The following ADCY9 variants were observed in gnomAD, a reference collection of about 807,000 sequenced individuals.
The protein encoded by ADCY9 is adenylate cyclase type 9.
ADCY9 carries 50 observed loss-of-function variants against 101.5 expected under a neutral mutation model. The ratio of observed to expected loss-of-function variants is 0.49; its 90% CI spans 0.39 to 0.62. The LOEUF is 0.62. Ranked by LOEUF, ADCY9 falls within the 20% of genes least tolerant of loss-of-function variation. The pLI is 0.00. For missense variants in ADCY9, 1,662 were observed against 1,800.4 expected (o/e 0.92, Z 1.39); for synonymous variants, 905 against 769.3 (o/e 1.18, Z -2.92).
chr16:4,055,821 G>A (rs938567624), intron 2 of ADCY9, among the ~76,000 whole-genome samples: 3 of 151,478 alleles, frequency 2.0e-5, no homozygotes, highest in Admixed American at 6.6e-5. Flanking sequence ...GCGACAGAGC[G>A]AGGATCCGTT....
At chr16:3,991,382 C>T (rs2056242529) in intron 5 of ADCY9, among the ~76,000 whole-genome samples, 1 of 152,144 alleles carries the variant, frequency 6.6e-6, no homozygotes, top group Admixed American at 6.5e-5. Flanking sequence ...CTTCTGCAGT[C>T]TCTGCCTGGC....
chr16:4,058,113 C>T (rs574177853), intron 2 of ADCY9, among the ~76,000 whole-genome samples: 15 of 148,926 alleles, frequency 1.0e-4, no homozygotes, highest in African/African-American at 3.5e-4. Flanking sequence ...GAGCCGAGAT[C>T]ATGCCACTGC....
At chr16:3,994,455 G>T (rs192730100) in intron 3 of ADCY9, among the ~76,000 whole-genome samples, 3 of 152,060 alleles carry the variant, frequency 2.0e-5, no homozygotes, top group Non-Finnish European at 1.5e-5. Flanking sequence ...TAAAAAGATC[G>T]ATTTTTAAAT....
At chr16:3,974,816 T>TAA in intron 9 of ADCY9, 106 bp from the exon 10 acceptor site, 1 of 901,692 alleles carries the variant, frequency 1.1e-6, no homozygotes, top group Non-Finnish European at 1.8e-6. Context: ...TTAGACGTGG[T>TAA]TGTACATCCA....
intron 2 of ADCY9, among the ~76,000 whole-genome samples, chr16:4,077,617 T>A (rs2056875926): frequency 6.6e-6 from 1 of 152,174 alleles, no homozygotes; most frequent in Non-Finnish European, 1.5e-5. Context: ...GTCCAATTTT[T>A]TAAAATGAGA....
chr16:3,996,076 A>G (rs1223948427), intron 3 of ADCY9, among the ~76,000 whole-genome samples: 1 of 152,130 alleles, frequency 6.6e-6, no homozygotes, highest in African/African-American at 2.4e-5. Flanking sequence ...ACTTCTAAAC[A>G]TTTTGCTGGT....
At position 4,116,378 on chromosome 16, in the gene ADCY9, G is replaced by C. The variant is rs1040179534; in HGVS notation, c.-732C>G. Among the ~76,000 whole-genome samples the C allele has an allele frequency of 1.4e-5, 2 of 145,994 alleles. No homozygotes were observed. Among genetic ancestry groups the C allele is most frequent in the Non-Finnish European group, 3.0e-5 (2 of 65,720 alleles). On this transcript the variant is annotated 5_prime_UTR_variant, in exon 1 of 11. Transcript: ENST00000294016. ...GCCCGCCGCCGTGTCCCCCGCGGCC[G>C]CTGCCTCATGTCGGAAGAGCTGCCG...
intron 2 of ADCY9, among the ~76,000 whole-genome samples, chr16:4,091,168 G>A (rs995463351): frequency 1.3e-5 from 2 of 152,186 alleles, no homozygotes; most frequent in African/African-American, 4.8e-5. Context: ...CTGCCTTCCA[G>A]GTTCAAGCGA....
chr16:3,976,656 TTTA>T (rs2056094862), intron 9 of ADCY9, among the ~76,000 whole-genome samples: 1 of 152,122 alleles, frequency 6.6e-6, no homozygotes, highest in Non-Finnish European at 1.5e-5. Context: ...TTTTGACCTA[TTTA>T]TTATTTTTTG....
chr16:3,988,473 T>G (rs1394007329), intron 6 of ADCY9, among the ~76,000 whole-genome samples: 217 of 14,008 alleles, frequency 0.015, no homozygotes, highest in African/African-American at 0.027. Context: ...AGGGCAGGTG[T>G]GGGGGATTCC....
At chr16:3,993,252 G>A (rs182787452) in intron 4 of ADCY9, 154 bp downstream of exon 4, 7 of 1,352,572 alleles carry the variant, frequency 5.2e-6, no homozygotes, top group South Asian at 1.5e-5. Flanking sequence ...GCTCCCTGCC[G>A]GTCTCTTCAA....
chr16:3,959,194 C>T (rs2055924746), downstream of ADCY9, among the ~76,000 whole-genome samples: 1 of 151,948 alleles, frequency 6.6e-6, no homozygotes, highest in African/African-American at 2.4e-5. Flanking sequence ...AACCCCATCT[C>T]CACAAAAAAT....
intron 3 of ADCY9, among the ~76,000 whole-genome samples, chr16:4,002,566 C>T (rs546308627): frequency 3.3e-5 from 5 of 152,212 alleles, no homozygotes; most frequent in South Asian, 4.2e-4. Flanking sequence ...CCAAGCAGCC[C>T]GGGGTTCTGA....
intron 2 of ADCY9, among the ~76,000 whole-genome samples, chr16:4,018,967 G>GTGTGTGTGTGTGTGTGTGTGTTT (rs1178021167): frequency 6.6e-6 from 1 of 151,280 alleles, no homozygotes; most frequent in Non-Finnish European, 1.5e-5. Context: ...GTGTGTGTGT[G>GTGTGTGTGTGTGTGTGTGTGTTT]TGTTTTGTTT....
At chr16:4,072,868 A>G (rs2056843061) in intron 2 of ADCY9, among the ~76,000 whole-genome samples, 2 of 152,052 alleles carry the variant, frequency 1.3e-5, no homozygotes. Flanking sequence ...AGGAACAAAG[A>G]AAAGAATTAT....
intron 5 of ADCY9, among the ~76,000 whole-genome samples, chr16:3,990,324 G>A (rs574630166): frequency 3.0e-4 from 46 of 152,238 alleles, no homozygotes; most frequent in African/African-American, 1.1e-3. Flanking sequence ...AAATTAGCCA[G>A]GCCTGGTGGC....
intron 2 of ADCY9, among the ~76,000 whole-genome samples, chr16:4,063,030 C>A (rs1471166327): frequency 1.3e-5 from 2 of 152,134 alleles, no homozygotes; most frequent in African/African-American, 4.8e-5. Flanking sequence ...TGTCAAGCAA[C>A]AACAAATAGA....
intron 3 of ADCY9, among the ~76,000 whole-genome samples, chr16:4,005,222 C>T (rs1338025358): frequency 6.6e-6 from 1 of 152,092 alleles, no homozygotes; most frequent in Non-Finnish European, 1.5e-5. Context: ...TACCACTGAG[C>T]ACCCTCCTCC....
intron 2 of ADCY9, among the ~76,000 whole-genome samples, chr16:4,012,108 G>A (rs181764670): frequency 4.7e-4 from 72 of 152,288 alleles, no homozygotes; most frequent in African/African-American, 1.6e-3. Flanking sequence ...TTTAGGAAGC[G>A]CTGAATGACC....
Sources: allele counts gnomAD v4.1 joint callset (sites outside exome capture counted in the v4.1 genomes callset), GRCh38; gene constraint gnomAD v4.1.1; transcripts MANE v1.5; gene names NCBI Gene and HGNC (gene_info 2026-07-23, HGNC 2026-07-21).